The following RBFOX2 variants were observed in gnomAD, a reference collection of about 807,000 sequenced individuals.
The protein encoded by RBFOX2 is RNA binding protein fox-1 homolog 2.
In RBFOX2, 10 loss-of-function variants were observed where a neutral mutation model predicts 49.1. The observed-to-expected ratio is 0.20, with a 90% CI of 0.13 to 0.35. The LOEUF is 0.35. Among genes scored for constraint, RBFOX2 ranks in the 10% least tolerant of loss-of-function variants. RBFOX2 has a pLI of 1.00. For synonymous variants in RBFOX2, 183 were observed against 187.4 expected (o/e 0.98, Z 0.19); for missense variants, 323 against 486.9 (o/e 0.66, Z 3.17).
chr22:35,990,848 G>A (rs2057947517), intron 1 of RBFOX2, among the ~76,000 whole-genome samples: 1 of 152,182 alleles, frequency 6.6e-6, no homozygotes, highest in Admixed American at 6.5e-5. Context: ...GATTACACGA[G>A]CTTTTAAGGA....
intron 2 of RBFOX2, among the ~76,000 whole-genome samples, chr22:35,804,259 C>G (rs562854471): frequency 1.3e-5 from 2 of 151,136 alleles, no homozygotes; most frequent in Non-Finnish European, 2.9e-5. Context: ...GCCTGGGCAA[C>G]AGAGCAAGAC....
intron 1 of RBFOX2, among the ~76,000 whole-genome samples, chr22:35,954,429 A>G (rs1218652554): frequency 6.6e-6 from 1 of 152,198 alleles, no homozygotes; most frequent in Non-Finnish European, 1.5e-5. Flanking sequence ...CTTATTATCT[A>G]TGGCGAAAGC....
At chr22:35,817,335 G>C (rs1450802200) in intron 1 of RBFOX2, among the ~76,000 whole-genome samples, 1 of 152,044 alleles carries the variant, frequency 6.6e-6, no homozygotes, top group Non-Finnish European at 1.5e-5. Context: ...AAAACAGCCA[G>C]GTGTGATGGT....
chr22:35,814,096 T>C (rs191055090), intron 1 of RBFOX2, among the ~76,000 whole-genome samples: 152 of 152,340 alleles, frequency 1.0e-3, no homozygotes, highest in Non-Finnish European at 1.4e-3. Flanking sequence ...AAACCACAGA[T>C]AGTAACAGAG....
chr22:35,867,708 GA>G (rs2043853060), intron 1 of RBFOX2, among the ~76,000 whole-genome samples: 1 of 152,064 alleles, frequency 6.6e-6, no homozygotes, highest in African/African-American at 2.4e-5. Flanking sequence ...ATTTTATGAA[GA>G]AAAAATTAAG....
intron 1 of RBFOX2, among the ~76,000 whole-genome samples, chr22:35,862,145 A>G (rs904024069): frequency 6.6e-6 from 1 of 152,146 alleles, no homozygotes; most frequent in Non-Finnish European, 1.5e-5. Context: ...GCATATTGGG[A>G]GCACTACAAA....
At chr22:35,905,275 AAG>A (rs1490217293) in intron 1 of RBFOX2, among the ~76,000 whole-genome samples, 1 of 152,166 alleles carries the variant, frequency 6.6e-6, no homozygotes, top group Non-Finnish European at 1.5e-5. Flanking sequence ...AAGAAAGATG[AAG>A]AGAAAAAAAA....
intron 1 of RBFOX2, among the ~76,000 whole-genome samples, chr22:35,838,463 C>T (rs1351655898): frequency 6.6e-6 from 1 of 152,034 alleles, no homozygotes; most frequent in East Asian, 1.9e-4. Flanking sequence ...AGTTCTAGAT[C>T]CATTGAGACA....
intron 1 of RBFOX2, among the ~76,000 whole-genome samples, chr22:35,861,786 CA>C (rs1280374832): frequency 2.0e-4 from 31 of 151,794 alleles, no homozygotes; most frequent in Admixed American, 2.0e-3. Flanking sequence ...ACTATTTACC[CA>C]AGAGAAAAAA....
chr22:35,780,550 A>G (rs1484508125), intron 3 of RBFOX2, among the ~76,000 whole-genome samples: 1 of 152,188 alleles, frequency 6.6e-6, no homozygotes, highest in Admixed American at 6.5e-5. Flanking sequence ...GAGGAAATAA[A>G]CAGTTGAAAG....
intron 1 of RBFOX2, among the ~76,000 whole-genome samples, chr22:35,905,308 G>T (rs377309091): frequency 6.6e-6 from 1 of 152,072 alleles, no homozygotes; most frequent in Non-Finnish European, 1.5e-5. Context: ...AGGTAAAATA[G>T]ATAGATGATA....
chr22:35,837,178 G>A (rs920271220), intron 1 of RBFOX2, among the ~76,000 whole-genome samples: 9 of 152,200 alleles, frequency 5.9e-5, no homozygotes, highest in African/African-American at 2.2e-4. Context: ...TAGAGCATAT[G>A]TAATAATAAA....
At chr22:36,027,708 C>G (rs570270903) in intron 1 of RBFOX2, among the ~76,000 whole-genome samples, 3 of 152,292 alleles carry the variant, frequency 2.0e-5, no homozygotes, top group East Asian at 3.9e-4. Context: ...TTCTCACACT[C>G]TGTGTGATTT....
intron 5 of RBFOX2, 63 bp downstream of exon 6, chr22:35,768,194 A>G: frequency 6.5e-7 from 1 of 1,544,810 alleles, no homozygotes; most frequent in Non-Finnish European, 8.9e-7. Context: ...GAACTAAGTG[A>G]GGCAACACGA....
At chr22:35,914,148 G>C (rs1421136312) in intron 1 of RBFOX2, among the ~76,000 whole-genome samples, 1 of 152,204 alleles carries the variant, frequency 6.6e-6, no homozygotes, top group African/African-American at 2.4e-5. Flanking sequence ...CTGGGCATTA[G>C]AGCCAGATGG....
intron 1 of RBFOX2, among the ~76,000 whole-genome samples, chr22:35,879,566 G>A (rs2045603230): frequency 6.6e-6 from 1 of 152,164 alleles, no homozygotes; most frequent in African/African-American, 2.4e-5. Context: ...GCAAATTTGA[G>A]GAATGGCCAA....
intron 1 of RBFOX2, among the ~76,000 whole-genome samples, chr22:35,837,509 GCA>G (rs560302690): frequency 2.3e-4 from 35 of 149,274 alleles, no homozygotes; most frequent in African/African-American, 4.4e-4. Flanking sequence ...ACACACATGT[GCA>G]CACACACACA....
chr22:35,885,727 T>C (rs1346845290), intron 1 of RBFOX2, among the ~76,000 whole-genome samples: 1 of 152,126 alleles, frequency 6.6e-6, no homozygotes, highest in Non-Finnish European at 1.5e-5. Context: ...CTTGATTTAT[T>C]TAACCTCTGA....
At chr22:35,865,479 C>T (rs1480569525) in intron 1 of RBFOX2, among the ~76,000 whole-genome samples, 1 of 152,120 alleles carries the variant, frequency 6.6e-6, no homozygotes, top group Non-Finnish European at 1.5e-5. Flanking sequence ...GGTCCAAAAA[C>T]CCGTATCTTT....
Sources: allele counts gnomAD v4.1 joint callset (sites outside exome capture counted in the v4.1 genomes callset), GRCh38; gene constraint gnomAD v4.1.1; transcripts MANE v1.5; gene names NCBI Gene and HGNC (gene_info 2026-07-23, HGNC 2026-07-21).